The following LRCH1 variants were observed in gnomAD, a reference collection of about 807,000 sequenced individuals.
The protein encoded by LRCH1 is leucine rich repeats and calponin homology domain containing 1.
In LRCH1, 23 loss-of-function variants were observed where a neutral mutation model predicts 94.9. That is an observed-to-expected ratio of 0.24 (90% CI 0.17 to 0.34). The LOEUF is 0.34. Among genes scored for constraint, LRCH1 ranks in the 10% least tolerant of loss-of-function variants. The pLI, the probability that LRCH1 is intolerant of heterozygous loss-of-function variation, is 1.00. For missense variants in LRCH1, 790 were observed against 945.9 expected (o/e 0.84, Z 2.16); for synonymous variants, 364 against 354.9 (o/e 1.03, Z -0.29).
rs148815235 is a variant in LRCH1, at chr13:46,705,738, CGAG to C, written c.1527+440_1527+442del. On this transcript the variant is annotated intron_variant, in intron 13 of 19. Coordinates refer to ENST00000389797, the MANE Select transcript of LRCH1 (RefSeq NM_001164211.2). ...ACAAGAACAAATTATTTGGGAATGTCGAGGAGGATTGAGAGAATATCATGAAGA... is the reference window on the plus strand; with the variant it reads ...ACAAGAACAAATTATTTGGGAATGTCGAGGATTGAGAGAATATCATGAAGA... The C allele has an allele frequency of 2.2e-3, 702 of 324,822 alleles. 4 individuals are homozygous for C. The highest frequency in any genetic ancestry group is 0.012 in the African/African-American group (549 of 46,188). 20.1% of individuals were successfully genotyped at this position (324,822 alleles called of 1,614,324 possible). A position where few individuals can be genotyped will look rare whatever the true frequency, so the allele number is the denominator to read the frequency against.
At position 46,741,858 on chromosome 13, in the gene LRCH1, G is replaced by T. The variant is rs117315438; in HGVS notation, c.*10G>T. Reference sequence around the variant, plus strand: ...TGCTCTGTCCGCATAATGTCTGCACGTGCATCCAAACGCTGTGCTCTGTCG... The same window carrying T: ...TGCTCTGTCCGCATAATGTCTGCACTTGCATCCAAACGCTGTGCTCTGTCG... On this transcript the variant is annotated 3_prime_UTR_variant, in exon 20 of 20. Transcript: ENST00000389797. 5 of 1,613,400 alleles carry T rather than the reference G, an allele frequency of 3.1e-6. No homozygotes were observed. Among genetic ancestry groups the T allele is most frequent in the South Asian group, 2.2e-5 (2 of 91,056 alleles).
At chr13:46,596,946 C>T (rs61949286) in intron 1 of LRCH1, among the ~76,000 whole-genome samples, 1 of 152,126 alleles carries the variant, frequency 6.6e-6, no homozygotes, top group African/African-American at 2.4e-5. Context: ...TTAAAAGTTT[C>T]CCCCAGAAAG....
chr13:46,604,170 C>T (rs969448856), intron 1 of LRCH1, among the ~76,000 whole-genome samples: 1 of 152,024 alleles, frequency 6.6e-6, no homozygotes, highest in South Asian at 2.1e-4. Flanking sequence ...ATACATATGT[C>T]CCATGCAATA....
chr13:46,592,697 A>G (rs560032240), intron 1 of LRCH1, among the ~76,000 whole-genome samples: 1 of 152,170 alleles, frequency 6.6e-6, no homozygotes, highest in Non-Finnish European at 1.5e-5. Context: ...GCTCTATCAT[A>G]CCTAATCACT....
At chr13:46,694,776 C>A in intron 8 of LRCH1, 117 bp from the exon 9 acceptor site, 1 of 1,117,122 alleles carries the variant, frequency 9.0e-7, no homozygotes, top group South Asian at 1.6e-5. Context: ...TTTCATATAC[C>A]TTCTTCATAG....
At chr13:46,711,925 T>G in intron 14 of LRCH1, 81 bp downstream of exon 14, 1 of 1,056,512 alleles carries the variant, frequency 9.5e-7, no homozygotes. Context: ...ATATATAATC[T>G]AAGACTTGTG....
chr13:46,623,861 C>T (rs1566183407), intron 1 of LRCH1, among the ~76,000 whole-genome samples: 3 of 121,968 alleles, frequency 2.5e-5, no homozygotes, highest in Non-Finnish European at 1.7e-5. Context: ...TCCCTCCCCC[C>T]TCCCCATCTC....
intron 1 of LRCH1, among the ~76,000 whole-genome samples, chr13:46,606,697 G>GAGT (rs1251662630): frequency 2.6e-5 from 4 of 152,122 alleles, no homozygotes; most frequent in Non-Finnish European, 5.9e-5. Flanking sequence ...TCAGCCTCCT[G>GAGT]AGTAGTTGGA....
At position 46,687,969 on chromosome 13, in the gene LRCH1, G is replaced by C; in HGVS notation, c.940G>C (p.Val314Leu). Residue 314 changes from valine to leucine, a missense_variant, in exon 6 of 20, where the codon GTG becomes CTG. Coordinates refer to ENST00000389797, the MANE Select transcript of LRCH1 (RefSeq NM_001164211.2). ...TMERPHLHQH[V>L]EDGKKDSDSG... ...GGAGAGGCCACATTTACACCAGCAC[G>C]TGGAAGATGGGTGAGTCATGCCCTC... is the stretch of plus-strand genomic sequence containing the variant. 1 of 1,611,342 alleles carries C rather than the reference G, an allele frequency of 6.2e-7. No individual in the cohort carries two copies. The highest frequency in any genetic ancestry group is 8.5e-7 in the Non-Finnish European group (1 of 1,178,758).
In LRCH1 at chr13:46,742,432, C is replaced by T. The variant is rs1043568314; in HGVS notation, c.*584C>T. 2.3e-5 allele frequency: 23 copies of T among 987,034 alleles called. No homozygotes were observed. Among genetic ancestry groups the T allele is most frequent in the Non-Finnish European group, 2.6e-5 (22 of 831,104 alleles). 61.1% of individuals were successfully genotyped at this position (987,034 alleles called of 1,614,324 possible). A position where few individuals can be genotyped will look rare whatever the true frequency, so the allele number is the denominator to read the frequency against. Reference sequence around the variant, plus strand: ...GCCTTGATGGCCATTCGATTGGATTCCTCCCAAATTTCCTAAAAAGGGAGC... The same window carrying T: ...GCCTTGATGGCCATTCGATTGGATTTCTCCCAAATTTCCTAAAAAGGGAGC... On this transcript the variant is annotated 3_prime_UTR_variant, in exon 20 of 20. Transcript: ENST00000389797.
At chr13:46,605,259 A>G (rs533223457) in intron 1 of LRCH1, among the ~76,000 whole-genome samples, 1 of 152,346 alleles carries the variant, frequency 6.6e-6, no homozygotes, top group Admixed American at 6.5e-5. Flanking sequence ...CAAGACTTGG[A>G]AGGGCACACC....
intron 1 of LRCH1, among the ~76,000 whole-genome samples, chr13:46,613,294 G>T (rs1448280117): frequency 3.9e-5 from 6 of 152,016 alleles, no homozygotes; most frequent in African/African-American, 1.4e-4. Context: ...GGAGGCTGAG[G>T]CAGGAGAATT....
chr13:46,688,122 C>A, intron 6 of LRCH1, 143 bp downstream of exon 6: 1 of 739,718 alleles, frequency 1.4e-6, no homozygotes, highest in Non-Finnish European at 2.0e-6. Flanking sequence ...TTGGTTTAAT[C>A]ACCTAATTTG....
intron 8 of LRCH1, among the ~76,000 whole-genome samples, chr13:46,694,678 GC>G (rs959851808): frequency 2.0e-5 from 3 of 152,176 alleles, no homozygotes; most frequent in African/African-American, 7.2e-5. Context: ...GCCCAGAGAG[GC>G]CTTGACTTTT....
chr13:46,652,356 G>A (rs1419700663), intron 2 of LRCH1, among the ~76,000 whole-genome samples: 1 of 151,534 alleles, frequency 6.6e-6, no homozygotes, highest in Non-Finnish European at 1.5e-5. Context: ...GATTACAGGC[G>A]TAAGCCACTG....
At chr13:46,611,481 G>A (rs767023368) in intron 1 of LRCH1, among the ~76,000 whole-genome samples, 4 of 152,180 alleles carry the variant, frequency 2.6e-5, no homozygotes, top group Non-Finnish European at 5.9e-5. Context: ...AGATGGTAGT[G>A]TGACAGAATA....
intron 1 of LRCH1, among the ~76,000 whole-genome samples, chr13:46,610,444 T>A (rs551320052): frequency 6.6e-6 from 1 of 152,016 alleles, no homozygotes; most frequent in Non-Finnish European, 1.5e-5. Flanking sequence ...TTTTATTAAG[T>A]TATCTACCCA....
At chr13:46,577,791 C>G (rs181405968) in intron 1 of LRCH1, among the ~76,000 whole-genome samples, 1 of 152,136 alleles carries the variant, frequency 6.6e-6, no homozygotes, top group African/African-American at 2.4e-5. Flanking sequence ...GAAAAGAGAA[C>G]GAGAAGGAAA....
chr13:46,742,178 G>A lies in LRCH1; in HGVS notation c.*330G>A, dbSNP rs1468285147. 2 of 1,162,772 alleles carry A rather than the reference G, an allele frequency of 1.7e-6. No individual in the cohort carries two copies. The highest frequency in any genetic ancestry group is 1.1e-4 in the East Asian group (2 of 17,998). The allele number at this position is 1,162,772 out of a possible 1,614,324, so 72.0% of individuals were successfully genotyped here. On this transcript the variant is annotated 3_prime_UTR_variant, in exon 20 of 20. Coordinates refer to ENST00000389797, the MANE Select transcript of LRCH1 (RefSeq NM_001164211.2). ...CGGTGAGCTGCTGCCCTGGGCAGAG[G>A]GGAGGAGAATTCCAGGACAAGAGTG...
Sources: allele counts gnomAD v4.1 joint callset (sites outside exome capture counted in the v4.1 genomes callset), GRCh38; gene constraint gnomAD v4.1.1; transcripts MANE v1.5; gene names NCBI Gene and HGNC (gene_info 2026-07-23, HGNC 2026-07-21).